Variants in NOX4 observed in about 807,000 individuals in gnomAD.
NOX4 encodes kidney oxidase-1.
NOX4 carries 69 observed loss-of-function variants against 87.6 expected under a neutral mutation model. The observed-to-expected ratio is 0.79, with a 90% CI of 0.65 to 0.96. The LOEUF (loss-of-function observed/expected upper bound fraction) is 0.96, where lower values mean the gene tolerates loss of function less well. NOX4 is among the 40% of genes least tolerant of loss of function. The pLI, the probability that NOX4 is intolerant of heterozygous loss-of-function variation, is 0.00. For missense variants in NOX4, 680 were observed against 681.5 expected (o/e 1.00, Z 0.02); for synonymous variants, 275 against 238.2 (o/e 1.15, Z -1.42).
chr11:89,331,675 T>C (rs908043512), intron 17 of NOX4, among the ~76,000 whole-genome samples: 2 of 151,704 alleles, frequency 1.3e-5, no homozygotes, highest in African/African-American at 4.8e-5. Context: ...GGCAAGTCTT[T>C]CAGATTTCCT....
Position 89,346,921 on chromosome 11 carries a change from G to A in NOX4, c.1218-4728C>T, listed in dbSNP as rs72965084. 7.5e-3 allele frequency among the ~76,000 whole-genome samples: 1,140 copies of A among 152,244 alleles called. 5 individuals carry two copies. The highest frequency in any genetic ancestry group is 1.0e-2 in the Non-Finnish European group (680 of 68,024). On this transcript the variant is annotated intron_variant, in intron 13 of 17. Transcript: ENST00000263317. ...ATCCACTACCTGCTGATAGACCAGC[G>A]TCCTTCAGACATCCTACTTGCGTAG...
At chr11:89,374,932 T>A (rs1336852849) in intron 11 of NOX4, among the ~76,000 whole-genome samples, 1 of 152,144 alleles carries the variant, frequency 6.6e-6, no homozygotes, top group Non-Finnish European at 1.5e-5. Flanking sequence ...AGGGATGCTA[T>A]AAGGAGAGAA....
intron 12 of NOX4, among the ~76,000 whole-genome samples, chr11:89,364,170 C>T (rs1938749007): frequency 6.6e-6 from 1 of 151,940 alleles, no homozygotes; most frequent in East Asian, 1.9e-4. Flanking sequence ...TTGCTCAAGC[C>T]CAGGATTTTG....
chr11:89,428,852 G>T (rs1256905089), intron 7 of NOX4, among the ~76,000 whole-genome samples: 1 of 152,100 alleles, frequency 6.6e-6, no homozygotes. Context: ...ACTCAGCTCT[G>T]CACCAAGCGG....
intron 8 of NOX4, among the ~76,000 whole-genome samples, chr11:89,408,733 A>G (rs1162159819): frequency 6.6e-6 from 1 of 152,188 alleles, no homozygotes; most frequent in Non-Finnish European, 1.5e-5. Context: ...GATAGGAATA[A>G]CATCATGTGT....
chr11:89,552,520 C>T, the NOX4 span, among the ~76,000 whole-genome samples: 1 of 152,124 alleles, frequency 6.6e-6, no homozygotes, highest in East Asian at 1.9e-4. Context: ...TTCAGATCTG[C>T]CCACTCCCAT....
At chr11:89,442,321 A>G (rs766502546) in intron 5 of NOX4, among the ~76,000 whole-genome samples, 7 of 152,036 alleles carry the variant, frequency 4.6e-5, no homozygotes, top group Non-Finnish European at 1.0e-4. Context: ...ACAGGAGAAG[A>G]CTTTTTAAAA....
At chr11:89,561,086 T>TATATATATATA in the NOX4 span, among the ~76,000 whole-genome samples, 1 of 110,932 alleles carries the variant, frequency 9.0e-6, no homozygotes, top group Non-Finnish European at 1.8e-5. Flanking sequence ...TATATATATA[T>TATATATATATA]CCTATCAGTT....
chr11:89,563,165 T>C, the NOX4 span, among the ~76,000 whole-genome samples: 3 of 152,218 alleles, frequency 2.0e-5, no homozygotes, highest in African/African-American at 7.2e-5. Flanking sequence ...TTTGTAGCAG[T>C]GTGAGAATGG....
At chr11:89,331,429 A>C (rs1945465073) in intron 17 of NOX4, among the ~76,000 whole-genome samples, 1 of 151,814 alleles carries the variant, frequency 6.6e-6, no homozygotes, top group Non-Finnish European at 1.5e-5. Context: ...GTAAAAATTA[A>C]AAAAAGCTAA....
chr11:89,566,978 T>TG, the NOX4 span, among the ~76,000 whole-genome samples: 1 of 152,120 alleles, frequency 6.6e-6, no homozygotes. Context: ...GGCTGGGAAC[T>TG]GGGGGGTGTT....
At chr11:89,455,717 GTCATAT>G (rs755125463) in intron 2 of NOX4, among the ~76,000 whole-genome samples, 1 of 59,240 alleles carries the variant, frequency 1.7e-5, no homozygotes, top group African/African-American at 1.0e-4. Flanking sequence ...AGAAGATGAA[GTCATAT>G]ATATATATAT....
chr11:89,382,380 C>G (rs183250822), intron 11 of NOX4, among the ~76,000 whole-genome samples: 1 of 152,190 alleles, frequency 6.6e-6, no homozygotes, highest in Non-Finnish European at 1.5e-5. Flanking sequence ...TTCCAAATAG[C>G]CAGAAAACAC....
At chr11:89,332,130 G>T (rs1308749868) in intron 17 of NOX4, among the ~76,000 whole-genome samples, 2 of 151,740 alleles carry the variant, frequency 1.3e-5, no homozygotes, top group African/African-American at 4.8e-5. Context: ...ATGTAGATTT[G>T]TAAACGCAGG....
intron 11 of NOX4, among the ~76,000 whole-genome samples, chr11:89,380,571 A>C (rs1940206116): frequency 1.3e-5 from 2 of 152,188 alleles, no homozygotes; most frequent in Non-Finnish European, 2.9e-5. Flanking sequence ...ACAGGCACCC[A>C]AAAATAAGGA....
intron 5 of NOX4, chr11:89,443,326 G>T (rs958874557): frequency 6.6e-6 from 1 of 151,996 alleles, no homozygotes; most frequent in East Asian, 1.9e-4. Flanking sequence ...TATGTGGAGG[G>T]GAAAAAGGAG....
At chr11:89,467,456 C>G (rs1247313157) in intron 2 of NOX4, among the ~76,000 whole-genome samples, 1 of 150,830 alleles carries the variant, frequency 6.6e-6, no homozygotes, top group Non-Finnish European at 1.5e-5. Flanking sequence ...AAGAAAATAC[C>G]ATAAACTGTG....
intron 2 of NOX4, among the ~76,000 whole-genome samples, chr11:89,459,858 T>C (rs1256457300): frequency 1.3e-5 from 2 of 152,234 alleles, no homozygotes; most frequent in Non-Finnish European, 2.9e-5. Context: ...TCCAAGTCAA[T>C]CCTAAGCCAA....
chr11:89,553,102 G>T, the NOX4 span, among the ~76,000 whole-genome samples: 1 of 152,016 alleles, frequency 6.6e-6, no homozygotes, highest in African/African-American at 2.4e-5. Context: ...CCCCACACAG[G>T]GTCCTAGTCA....
Sources: gnomAD v4.1 joint callset for allele counts (sites outside exome capture counted in the v4.1 genomes callset) on GRCh38, gnomAD v4.1.1 for gene constraint, MANE v1.5 for transcripts, NCBI Gene and HGNC (gene_info 2026-07-23, HGNC 2026-07-21) for gene names.